Variants in RANBP2 observed in about 807,000 individuals in gnomAD.
The protein encoded by RANBP2 is RAN binding protein 2.
In RANBP2, 57 loss-of-function variants were observed where a neutral mutation model predicts 303.6. The ratio of observed to expected loss-of-function variants is 0.19; its 90% CI spans 0.15 to 0.23. The LOEUF is 0.23. RANBP2 is among the 10% of genes least tolerant of loss of function. RANBP2 has a pLI of 1.00. For missense variants in RANBP2, 3,138 were observed against 3,780.8 expected (o/e 0.83, Z 4.46); for synonymous variants, 1,167 against 1,301.5 (o/e 0.90, Z 2.23).
chr2:109,169,501 T>C, the RANBP2 span, among the ~76,000 whole-genome samples: 1 of 152,090 alleles, frequency 6.6e-6, no homozygotes, highest in African/African-American at 2.4e-5. Flanking sequence ...TTATCTCTGC[T>C]CTGTGCTCTC....
At chr2:108,833,457 A>G in the RANBP2 span, among the ~76,000 whole-genome samples, 1 of 152,364 alleles carries the variant, frequency 6.6e-6, no homozygotes, top group Non-Finnish European at 1.5e-5. Flanking sequence ...GAGATAGAGT[A>G]GGCAGGTTTT....
chr2:109,560,672 C>T, the RANBP2 span, among the ~76,000 whole-genome samples: 588 of 152,264 alleles, frequency 3.9e-3, 2 homozygotes, highest in African/African-American at 0.013. Context: ...GTCAACAGGT[C>T]CCAAACTGTG....
chr2:109,596,899 A>G, the RANBP2 span, among the ~76,000 whole-genome samples: 1 of 152,174 alleles, frequency 6.6e-6, no homozygotes, highest in South Asian at 2.1e-4. Flanking sequence ...AATTTCCAAA[A>G]CAAGTTTAAT....
At chr2:108,879,620 A>T in the RANBP2 span, among the ~76,000 whole-genome samples, 23 of 152,196 alleles carry the variant, frequency 1.5e-4, no homozygotes, top group Non-Finnish European at 3.2e-4. Context: ...GGCCAGGCTA[A>T]GTTTTTAGTA....
chr2:109,300,483 C>T, the RANBP2 span, among the ~76,000 whole-genome samples: 1 of 152,150 alleles, frequency 6.6e-6, no homozygotes, highest in African/African-American at 2.4e-5. Flanking sequence ...CCCATCCGCA[C>T]CCTGAGTTTT....
chr2:109,217,714 TG>T, the RANBP2 span, among the ~76,000 whole-genome samples: 1 of 152,150 alleles, frequency 6.6e-6, no homozygotes, highest in South Asian at 2.1e-4. Context: ...TGGGGGAGGG[TG>T]GGGTGTTGCC....
chr2:109,466,666 G>C, the RANBP2 span, among the ~76,000 whole-genome samples: 3 of 152,172 alleles, frequency 2.0e-5, no homozygotes, highest in East Asian at 1.9e-4. Context: ...AGGTCCTCTA[G>C]ATTTTTCCAT....
the RANBP2 span, among the ~76,000 whole-genome samples, chr2:109,254,519 GC>G: frequency 6.6e-6 from 1 of 152,244 alleles, no homozygotes. Context: ...CTGACACTGA[GC>G]TGATGTACCT....
At chr2:109,140,365 C>G in the RANBP2 span, among the ~76,000 whole-genome samples, 1 of 151,976 alleles carries the variant, frequency 6.6e-6, no homozygotes, top group Non-Finnish European at 1.5e-5. Flanking sequence ...CTATTTTTCC[C>G]AGACTTCAGA....
the RANBP2 span, among the ~76,000 whole-genome samples, chr2:109,735,079 CAAT>C: frequency 2.6e-5 from 4 of 152,096 alleles, no homozygotes; most frequent in African/African-American, 9.7e-5. Context: ...AGTCACACTA[CAAT>C]GTTATAGAGC....
the RANBP2 span, among the ~76,000 whole-genome samples, chr2:109,308,246 G>A: frequency 2.4e-5 from 3 of 123,724 alleles, no homozygotes; most frequent in Non-Finnish European, 4.8e-5. Context: ...TGTTCACATC[G>A]TTTGCCCACT....
At chr2:109,056,560 C>G in the RANBP2 span, among the ~76,000 whole-genome samples, 1 of 152,162 alleles carries the variant, frequency 6.6e-6, no homozygotes, top group Non-Finnish European at 1.5e-5. Context: ...GATGGATTGG[C>G]TCTTCTACTA....
chr2:109,613,824 C>T, the RANBP2 span: 2 of 1,237,362 alleles, frequency 1.6e-6, no homozygotes, highest in Non-Finnish European at 2.0e-6. Context: ...TCGGAGGAGG[C>T]CATGGTCGCG....
At chr2:108,919,193 G>A in the RANBP2 span, among the ~76,000 whole-genome samples, 1 of 152,202 alleles carries the variant, frequency 6.6e-6, no homozygotes, top group Admixed American at 6.5e-5. Flanking sequence ...TGTCACGGAA[G>A]AGCATCCGGG....
the RANBP2 span, among the ~76,000 whole-genome samples, chr2:109,755,206 G>A: frequency 5.7e-5 from 7 of 123,640 alleles, no homozygotes; most frequent in South Asian, 1.1e-3. Context: ...GGTGGGGGGG[G>A]GCCCAAGCCA....
chr2:109,704,602 C>A, the RANBP2 span, among the ~76,000 whole-genome samples: 1 of 151,970 alleles, frequency 6.6e-6, no homozygotes. Flanking sequence ...GTAATCCCAG[C>A]ACTTTAGGAG....
At chr2:108,965,620 T>C in the RANBP2 span, among the ~76,000 whole-genome samples, 2 of 152,186 alleles carry the variant, frequency 1.3e-5, no homozygotes, top group Non-Finnish European at 2.9e-5. Context: ...CTTTTCCTCT[T>C]ACCTTTGGGT....
At chr2:108,876,463 A>T in the RANBP2 span, 1 of 344,100 alleles carries the variant, frequency 2.9e-6, no homozygotes, top group Non-Finnish European at 5.2e-6. Flanking sequence ...ACTAATATAC[A>T]AGATGGCGTT....
the RANBP2 span, among the ~76,000 whole-genome samples, chr2:109,387,852 G>C: frequency 7.3e-6 from 1 of 136,632 alleles, no homozygotes; most frequent in Non-Finnish European, 1.5e-5. Flanking sequence ...AACAGCCCCA[G>C]ATGGTTGGGG....
Sources: allele counts gnomAD v4.1 joint callset (sites outside exome capture counted in the v4.1 genomes callset), GRCh38; gene constraint gnomAD v4.1.1; transcripts MANE v1.5; gene names NCBI Gene and HGNC (gene_info 2026-07-23, HGNC 2026-07-21).